The following PDGFD variants were observed in gnomAD, a reference collection of about 807,000 sequenced individuals.
PDGFD encodes platelet-derived growth factor D.
PDGFD carries 30 observed loss-of-function variants against 44.7 expected under a neutral mutation model. The ratio of observed to expected loss-of-function variants is 0.67; its 90% CI spans 0.50 to 0.91. The LOEUF is 0.91. Among genes scored for constraint, PDGFD ranks in the 40% least tolerant of loss-of-function variants. PDGFD has a pLI of 0.00. For synonymous variants in PDGFD, 173 were observed against 168.4 expected (o/e 1.03, Z -0.21); for missense variants, 445 against 457.8 (o/e 0.97, Z 0.25).
At chr11:104,050,080 T>C (rs1036265058) in intron 1 of PDGFD, among the ~76,000 whole-genome samples, 2 of 152,110 alleles carry the variant, frequency 1.3e-5, no homozygotes, top group East Asian at 1.9e-4. Context: ...TCAGTATGGG[T>C]TATACGTTAT....
intron 1 of PDGFD, among the ~76,000 whole-genome samples, chr11:104,085,724 T>C (rs1352402545): frequency 6.6e-6 from 1 of 152,188 alleles, no homozygotes; most frequent in Admixed American, 6.6e-5. Flanking sequence ...ATCTTTTCAA[T>C]GTCCAGCTTA....
At chr11:103,937,697 TC>T (rs1397197405) in intron 5 of PDGFD, among the ~76,000 whole-genome samples, 1 of 97,936 alleles carries the variant, frequency 1.0e-5, no homozygotes, top group Non-Finnish European at 2.0e-5. Flanking sequence ...ATGCTATCCC[TC>T]CCCCCTCCCC....
At chr11:103,974,250 C>T (rs1859148988) in intron 3 of PDGFD, among the ~76,000 whole-genome samples, 1 of 152,092 alleles carries the variant, frequency 6.6e-6, no homozygotes, top group Non-Finnish European at 1.5e-5. Flanking sequence ...CCTTCATTCC[C>T]AAGTTTTCTT....
chr11:104,139,524 C>T (rs934192691), intron 1 of PDGFD, among the ~76,000 whole-genome samples: 2 of 152,184 alleles, frequency 1.3e-5, no homozygotes, highest in South Asian at 4.1e-4. Context: ...CGATCACAAA[C>T]ACTAAAGACT....
intron 3 of PDGFD, among the ~76,000 whole-genome samples, chr11:103,951,615 C>A (rs974002010): frequency 7.9e-5 from 12 of 152,110 alleles, no homozygotes; most frequent in African/African-American, 2.9e-4. Flanking sequence ...CTACACTGGC[C>A]TTCTTTCAGT....
chr11:104,000,259 T>C lies in PDGFD; in HGVS notation c.125-4A>G, dbSNP rs889410735. ...AAGTCTGTGAGGTGATTGCTCTCTGTTAGTAGTCACAACTTGTAGAAATTA... is the reference window on the plus strand; with the variant it reads ...AAGTCTGTGAGGTGATTGCTCTCTGCTAGTAGTCACAACTTGTAGAAATTA... On this transcript the variant is annotated splice_region_variant and splice_polypyrimidine_tract_variant and intron_variant, in intron 1 of 6. Coordinates refer to ENST00000393158, the MANE Select transcript of PDGFD (RefSeq NM_025208.5). The C allele has an allele frequency of 3.1e-6, 5 of 1,612,182 alleles. No individual in the cohort carries two copies. The highest frequency in any genetic ancestry group is 2.7e-5 in the African/African-American group (2 of 74,864).
At chr11:103,983,598 A>G (rs1008424259) in intron 3 of PDGFD, among the ~76,000 whole-genome samples, 1 of 151,908 alleles carries the variant, frequency 6.6e-6, no homozygotes, top group African/African-American at 2.4e-5. Flanking sequence ...GAGCTTCTGC[A>G]CAGCAAAAGA....
chr11:103,911,794 T>C (rs1417019525), intron 6 of PDGFD, among the ~76,000 whole-genome samples: 2 of 151,854 alleles, frequency 1.3e-5, no homozygotes, highest in African/African-American at 2.4e-5. Flanking sequence ...AATGACCTGA[T>C]GGAGCTGAAA....
rs1245839317 is a variant in PDGFD, at chr11:103,984,832, A to C, written c.510+11233T>G. On this transcript the variant is annotated intron_variant, in intron 3 of 6. Coordinates refer to ENST00000393158, the MANE Select transcript of PDGFD (RefSeq NM_025208.5). ...TATTTATATTTATTTAATATATAAT[A>C]TATTAATTTATTTAATATATAATAC... 1.7e-4 allele frequency among the ~76,000 whole-genome samples: 25 copies of C among 143,198 alleles called. 1 individual carries two copies. Among genetic ancestry groups the C allele is most frequent in the African/African-American group, 5.9e-4 (23 of 38,972 alleles). The allele number at this position is 143,198 out of a possible 152,430, so 93.9% of individuals were successfully genotyped here. A position where few individuals can be genotyped will look rare whatever the true frequency, so the allele number is the denominator to read the frequency against.
chr11:103,957,823 C>T lies in PDGFD; in HGVS notation c.511-10099G>A, dbSNP rs1439475285. Among the ~76,000 whole-genome samples the T allele has an allele frequency of 3.9e-5, 6 of 152,050 alleles. No individual in the cohort carries two copies. In the East Asian group the frequency reaches 1.2e-3, roughly 29 times the overall value. On this transcript the variant is annotated intron_variant, in intron 3 of 6. Transcript: ENST00000393158. ...CAGATAGAGAGAGGGGTGCCGCATA[C>T]CAAGGGGCTGCACAGAAAGTTGCAA...
intron 1 of PDGFD, among the ~76,000 whole-genome samples, chr11:104,004,235 A>G (rs763665380): frequency 6.6e-6 from 1 of 152,172 alleles, no homozygotes; most frequent in Non-Finnish European, 1.5e-5. Flanking sequence ...TTTGATTAAG[A>G]CAGTACAGTC....
chr11:104,048,315 A>G (rs752993204), intron 1 of PDGFD, among the ~76,000 whole-genome samples: 3 of 151,846 alleles, frequency 2.0e-5, no homozygotes, highest in Non-Finnish European at 2.9e-5. Flanking sequence ...CAATACTTAA[A>G]TGATTATAGA....
intron 5 of PDGFD, among the ~76,000 whole-genome samples, chr11:103,938,201 T>C (rs903181126): frequency 6.6e-5 from 10 of 151,990 alleles, no homozygotes; most frequent in African/African-American, 1.2e-4. Context: ...TTCTCCACAT[T>C]CTCTCCAGCA....
Position 104,119,039 on chromosome 11 carries a change from T to G in PDGFD, c.124+44765A>C, listed in dbSNP as rs1407183880. Among the ~76,000 whole-genome samples, 2 of 14,634 alleles carry G rather than the reference T, an allele frequency of 1.4e-4. 1 individual carries two copies. The highest frequency in any genetic ancestry group is 2.9e-4 in the Non-Finnish European group (2 of 6,958). The allele number at this position is 14,634 out of a possible 152,430, so 9.6% of individuals were successfully genotyped here. ...TATTATATAATATATCGATATAATA[T>G]ATAATATATTGATATATTAATATAA... On this transcript the variant is annotated intron_variant, in intron 1 of 6. Transcript: ENST00000393158.
intron 1 of PDGFD, chr11:104,038,621 A>C (rs1378543073): frequency 6.0e-6 from 1 of 167,138 alleles, no homozygotes; most frequent in Non-Finnish European, 1.5e-5. Flanking sequence ...GTCACCCTGC[A>C]ATCCACAGCT....
chr11:104,001,990 T>C (rs1435378350), intron 1 of PDGFD, among the ~76,000 whole-genome samples: 1 of 152,152 alleles, frequency 6.6e-6, no homozygotes. Context: ...CAGCTAGACT[T>C]TGTGTGGGAG....
At chr11:104,076,543 T>G (rs1860961703) in intron 1 of PDGFD, among the ~76,000 whole-genome samples, 1 of 152,230 alleles carries the variant, frequency 6.6e-6, no homozygotes, top group African/African-American at 2.4e-5. Context: ...ATAAACTTAT[T>G]GTGACCTATC....
intron 1 of PDGFD, among the ~76,000 whole-genome samples, chr11:104,026,982 T>C (rs1291395938): frequency 6.6e-6 from 1 of 152,248 alleles, no homozygotes; most frequent in Admixed American, 6.5e-5. Flanking sequence ...TTTTTCACTA[T>C]TAATTAGATG....
At chr11:103,957,813 G>T (rs1858877583) in intron 3 of PDGFD, among the ~76,000 whole-genome samples, 1 of 152,104 alleles carries the variant, frequency 6.6e-6, no homozygotes, top group Admixed American at 6.6e-5. Context: ...AGAGAGAGGG[G>T]TGCCGCATAC....
Sources: gnomAD v4.1 joint callset for allele counts (sites outside exome capture counted in the v4.1 genomes callset) on GRCh38, gnomAD v4.1.1 for gene constraint, MANE v1.5 for transcripts, NCBI Gene and HGNC (gene_info 2026-07-23, HGNC 2026-07-21) for gene names.